The following PTPRD variants were observed in gnomAD, a reference collection of about 807,000 sequenced individuals.
The protein encoded by PTPRD is receptor-type tyrosine-protein phosphatase delta.
PTPRD carries 34 observed loss-of-function variants against 214.5 expected under a neutral mutation model. That is an observed-to-expected ratio of 0.16 (90% confidence interval 0.12 to 0.21). PTPRD has a LOEUF of 0.21. Among genes scored for constraint, PTPRD ranks in the 10% least tolerant of loss-of-function variants. PTPRD has a pLI of 1.00. For synonymous variants in PTPRD, 1,128 were observed against 845.7 expected, an observed-to-expected ratio of 1.33 and a Z score of -5.79; for missense variants, 2,545 against 2,398.7, an observed-to-expected ratio of 1.06 and a Z score of -1.27.
intron 2 of PTPRD, among the ~76,000 whole-genome samples, chr9:10,550,463 A>G (rs1050095658): frequency 1.3e-5 from 2 of 152,184 alleles, no homozygotes; most frequent in South Asian, 2.1e-4. Flanking sequence ...GAAAGACAAT[A>G]AAGTGTGCTT....
chr9:9,322,441 G>A (rs7019737), intron 9 of PTPRD, among the ~76,000 whole-genome samples: 112,779 of 152,082 alleles, frequency 0.74, 42,076 homozygotes, highest in East Asian at 0.93. Context: ...TCCAAGTCAC[G>A]TAGCTAGTGG....
Position 8,341,580 on chromosome 9 carries a change from G to A in PTPRD, c.4947+113C>T, listed in dbSNP as rs536898557. 9.8e-6 allele frequency: 12 copies of A among 1,230,426 alleles called. No homozygotes were observed. The African/African-American group carries it at 1.2e-4, about 12-fold the overall frequency. The allele number at this position is 1,230,426 out of a possible 1,614,324, so 76.2% of individuals were successfully genotyped here. A position where few individuals can be genotyped will look rare whatever the true frequency, so the allele number is the denominator to read the frequency against. ...TTTATAATCATACACCTGAGGGAAAGGTCAAATGAATCTTGTACTTCACAA... is the reference window on the plus strand; with the variant it reads ...TTTATAATCATACACCTGAGGGAAAAGTCAAATGAATCTTGTACTTCACAA... On this transcript the variant is annotated intron_variant, in intron 40 of 45. Transcript: ENST00000381196.
At chr9:8,340,891 G>A (rs1238169083) in intron 41 of PTPRD, among the ~76,000 whole-genome samples, 199 bp downstream of exon 41, 1 of 152,062 alleles carries the variant, frequency 6.6e-6, no homozygotes, top group Non-Finnish European at 1.5e-5. Flanking sequence ...GAAGAGTGCA[G>A]AAGGCCAGAT....
At chr9:9,987,737 A>T (rs2095769659) in intron 4 of PTPRD, among the ~76,000 whole-genome samples, 1 of 152,184 alleles carries the variant, frequency 6.6e-6, no homozygotes, top group Non-Finnish European at 1.5e-5. Flanking sequence ...GTATCTCAAA[A>T]TAGTATTTAA....
At chr9:9,403,404 A>G (rs1193570529) in intron 8 of PTPRD, among the ~76,000 whole-genome samples, 1 of 95,336 alleles carries the variant, frequency 1.0e-5, no homozygotes, top group African/African-American at 4.4e-5. Flanking sequence ...AAATATTGTT[A>G]TATTTTCTCT....
chr9:8,491,273 G>C (rs1391612180), intron 27 of PTPRD, among the ~76,000 whole-genome samples: 1 of 152,168 alleles, frequency 6.6e-6, no homozygotes, highest in East Asian at 1.9e-4. Flanking sequence ...ATGTGAATAA[G>C]TTCCAAAATT....
chr9:10,258,982 C>CTGT (rs758988371), intron 3 of PTPRD, among the ~76,000 whole-genome samples: 48 of 151,932 alleles, frequency 3.2e-4, no homozygotes, highest in Non-Finnish European at 6.0e-4. Context: ...GTATCTGTTT[C>CTGT]TGTTGTTGTT....
chr9:9,852,662 C>G (rs1259949290), intron 5 of PTPRD, among the ~76,000 whole-genome samples: 5 of 151,890 alleles, frequency 3.3e-5, no homozygotes, highest in African/African-American at 1.2e-4. Context: ...AAAGATTATT[C>G]CTTTTTTCTT....
intron 8 of PTPRD, among the ~76,000 whole-genome samples, chr9:9,547,623 T>C (rs1015639612): frequency 1.3e-5 from 2 of 152,078 alleles, no homozygotes; most frequent in East Asian, 1.9e-4. Context: ...TGTGATGACA[T>C]GCCATAGGAT....
intron 3 of PTPRD, among the ~76,000 whole-genome samples, chr9:10,322,571 A>G (rs2154428521): frequency 6.6e-6 from 1 of 152,184 alleles, no homozygotes; most frequent in African/African-American, 2.4e-5. Flanking sequence ...TCAAACCTTA[A>G]TATATAAGTT....
chr9:10,232,834 T>A (rs902288859), intron 3 of PTPRD, among the ~76,000 whole-genome samples: 1 of 151,998 alleles, frequency 6.6e-6, no homozygotes, highest in Non-Finnish European at 1.5e-5. Flanking sequence ...AGGGCCAACC[T>A]TTTCCATTTG....
intron 14 of PTPRD, among the ~76,000 whole-genome samples, chr9:8,586,391 A>G (rs1224841598): frequency 6.6e-6 from 1 of 152,050 alleles, no homozygotes; most frequent in African/African-American, 2.4e-5. Flanking sequence ...ACCAGCTCAT[A>G]TTTCTTCCCT....
intron 7 of PTPRD, among the ~76,000 whole-genome samples, chr9:9,598,448 A>G (rs2093522251): frequency 6.6e-6 from 1 of 151,906 alleles, no homozygotes; most frequent in Non-Finnish European, 1.5e-5. Flanking sequence ...CAGAATCCCA[A>G]CTCCACTTTG....
chr9:9,771,106 T>C (rs941588721), intron 5 of PTPRD, among the ~76,000 whole-genome samples: 11 of 152,218 alleles, frequency 7.2e-5, no homozygotes, highest in Non-Finnish European at 1.6e-4. Flanking sequence ...CAATGATTTA[T>C]GCACCTTATG....
intron 9 of PTPRD, among the ~76,000 whole-genome samples, chr9:9,394,037 C>T (rs182688308): frequency 6.6e-6 from 1 of 152,224 alleles, no homozygotes; most frequent in African/African-American, 2.4e-5. Context: ...CATTTTTAAA[C>T]CATACATACA....
chr9:10,604,139 G>A (rs1407399), intron 2 of PTPRD, among the ~76,000 whole-genome samples: 145,119 of 151,736 alleles, frequency 0.96, 69,763 homozygotes, highest in East Asian at 1. Flanking sequence ...ATGGAGGAAA[G>A]AAAAGCCTGC....
chr9:9,279,244 A>AC (rs2133431717), intron 9 of PTPRD, among the ~76,000 whole-genome samples: 1 of 149,934 alleles, frequency 6.7e-6, no homozygotes, highest in East Asian at 2.0e-4. Flanking sequence ...ATATCTATAT[A>AC]AGAATATGTG....
intron 7 of PTPRD, among the ~76,000 whole-genome samples, chr9:9,612,478 C>T (rs1564054579): frequency 6.6e-6 from 1 of 152,096 alleles, no homozygotes; most frequent in Non-Finnish European, 1.5e-5. Context: ...GGCCAGAGTG[C>T]AGGTGTGCAT....
intron 12 of PTPRD, among the ~76,000 whole-genome samples, chr9:8,697,412 A>G (rs79645391): frequency 0.21 from 21,521 of 102,598 alleles, 2,134 homozygotes; most frequent in African/African-American, 0.32. Context: ...ATTTATTTTT[A>G]TGTACTTTTT....
Sources: gnomAD v4.1 joint callset for allele counts (sites outside exome capture counted in the v4.1 genomes callset) on GRCh38, gnomAD v4.1.1 for gene constraint, MANE v1.5 for transcripts, NCBI Gene and HGNC (gene_info 2026-07-23, HGNC 2026-07-21) for gene names.